Variants in PPP2R2D observed in about 807,000 individuals in gnomAD.
PPP2R2D encodes serine/threonine-protein phosphatase 2A 55 kDa regulatory subunit B delta isoform.
In PPP2R2D, 9 loss-of-function variants were observed where a neutral mutation model predicts 31.1. That is an observed-to-expected ratio of 0.29 (90% CI 0.17 to 0.51). PPP2R2D has a LOEUF of 0.51. PPP2R2D is among the 20% of genes least tolerant of loss of function. PPP2R2D has a pLI of 0.98. For synonymous variants in PPP2R2D, 179 were observed against 172.6 expected, an observed-to-expected ratio of 1.04 and a Z score of -0.29; for missense variants, 391 against 465.6, an observed-to-expected ratio of 0.84 and a Z score of 1.48.
At chr10:131,910,917 C>G (rs2035672107) in intron 2 of PPP2R2D, among the ~76,000 whole-genome samples, 1 of 152,152 alleles carries the variant, frequency 6.6e-6, no homozygotes, top group South Asian at 2.1e-4. Context: ...AGATAGCTTC[C>G]AGATGTTTCT....
chr10:131,923,503 T>G (rs546527908), intron 2 of PPP2R2D, among the ~76,000 whole-genome samples: 8 of 152,302 alleles, frequency 5.3e-5, no homozygotes, highest in African/African-American at 1.7e-4. Context: ...CTGTGTTTAA[T>G]GTATTTGTGG....
At chr10:131,964,480 C>T (rs1297956290), downstream of PPP2R2D, among the ~76,000 whole-genome samples, 1 of 152,030 alleles carries the variant, frequency 6.6e-6, no homozygotes, top group Non-Finnish European at 1.5e-5. Flanking sequence ...ACAGCTCCGG[C>T]TCAAACCGCG....
At position 131,956,207 on chromosome 10, in the gene PPP2R2D, A is replaced by G. The variant is rs565855183; in HGVS notation, c.*244A>G. 2 of 1,203,760 alleles carry G rather than the reference A, an allele frequency of 1.7e-6. No individual in the cohort carries two copies. Among genetic ancestry groups the G allele is most frequent in the South Asian group, 4.2e-5 (1 of 23,688 alleles). 74.6% of individuals were successfully genotyped at this position (1,203,760 alleles called of 1,614,324 possible). On this transcript the variant is annotated 3_prime_UTR_variant, in exon 9 of 9. Transcript: ENST00000455566. ...AGCAGAGTTGACGGACACTGCTCCC[A>G]AAAGGTCATTACTCAGAATAAATGT... is the stretch of plus-strand genomic sequence containing the variant.
the PPP2R2D span, chr10:131,968,397 C>T: frequency 2.5e-5 from 19 of 751,994 alleles, no homozygotes; most frequent in Non-Finnish European, 2.7e-5. Context: ...AAATTAGGAA[C>T]GCAGCATTTA....
At chr10:131,941,498 C>G (rs1284034727) in intron 5 of PPP2R2D, among the ~76,000 whole-genome samples, 1 of 151,938 alleles carries the variant, frequency 6.6e-6, no homozygotes, top group African/African-American at 2.4e-5. Context: ...CAAGGGGGTG[C>G]CGTTACTAGA....
intron 2 of PPP2R2D, among the ~76,000 whole-genome samples, chr10:131,925,060 T>G (rs1416365314): frequency 1.3e-5 from 2 of 152,234 alleles, no homozygotes; most frequent in African/African-American, 4.8e-5. Context: ...GTTTGTGGAT[T>G]CCTTAGGATT....
At chr10:131,952,493 G>A (rs1416691140) in intron 8 of PPP2R2D, among the ~76,000 whole-genome samples, 1 of 87,376 alleles carries the variant, frequency 1.1e-5, no homozygotes, top group Non-Finnish European at 2.1e-5. Context: ...GTGCGGGGGG[G>A]TTCACTGTCT....
At chr10:131,940,814 G>A (rs913067975) in intron 5 of PPP2R2D, 120 bp downstream of exon 5, 34 of 587,240 alleles carry the variant, frequency 5.8e-5, no homozygotes, top group South Asian at 1.8e-4. Context: ...GGTCTGCCTC[G>A]TGATTCCTGA....
chr10:131,912,083 G>T (rs2035694197), intron 2 of PPP2R2D: 1 of 152,184 alleles, frequency 6.6e-6, no homozygotes, highest in African/African-American at 2.4e-5. Flanking sequence ...TTAAAACCTA[G>T]TTTGTGTATA....
At chr10:131,955,567 A>C in intron 8 of PPP2R2D, 117 bp from the exon 9 acceptor site, 1 of 870,674 alleles carries the variant, frequency 1.1e-6, no homozygotes, top group Non-Finnish European at 1.6e-6. Context: ...TGATTTCTGA[A>C]AGTAACTGGG....
intron 2 of PPP2R2D, among the ~76,000 whole-genome samples, chr10:131,927,632 C>T (rs1184971197): frequency 2.6e-5 from 4 of 152,156 alleles, no homozygotes; most frequent in Admixed American, 1.3e-4. Context: ...GTTGCCAGGA[C>T]GCCAGGCCCT....
intron 2 of PPP2R2D, among the ~76,000 whole-genome samples, chr10:131,901,555 G>T (rs2035496425): frequency 6.6e-6 from 1 of 152,158 alleles, no homozygotes; most frequent in Admixed American, 6.5e-5. Context: ...CCCGCGGCGG[G>T]ACTTATGTAA....
At chr10:131,960,615 G>A (rs1227443498), downstream of PPP2R2D, among the ~76,000 whole-genome samples, 2 of 151,890 alleles carry the variant, frequency 1.3e-5, no homozygotes, top group Non-Finnish European at 2.9e-5. Flanking sequence ...CCATGGGATT[G>A]GTGTGTGTCC....
chr10:131,903,242 A>G (rs2035529965), intron 2 of PPP2R2D, among the ~76,000 whole-genome samples: 1 of 152,098 alleles, frequency 6.6e-6, no homozygotes, highest in African/African-American at 2.4e-5. Flanking sequence ...CAAGGTGGAC[A>G]GATCACTTGA....
chr10:131,930,401 C>T (rs2036200266), intron 2 of PPP2R2D, among the ~76,000 whole-genome samples: 1 of 152,246 alleles, frequency 6.6e-6, no homozygotes, highest in Middle Eastern at 3.2e-3. Flanking sequence ...TCAGATCTGC[C>T]ATCTTCCTTC....
chr10:131,933,601 GAC>G (rs2036281706), intron 2 of PPP2R2D, among the ~76,000 whole-genome samples: 1 of 152,140 alleles, frequency 6.6e-6, no homozygotes, highest in Admixed American at 6.5e-5. Flanking sequence ...GTCCGCACGC[GAC>G]ACAGCAGCAC....
intron 2 of PPP2R2D, 117 bp from the exon 3 acceptor site, chr10:131,934,341 G>A: frequency 1.6e-6 from 1 of 633,240 alleles, no homozygotes; most frequent in Non-Finnish European, 2.9e-6. Flanking sequence ...TTTTGCTTTA[G>A]TCTCGGAGAA....
At chr10:131,914,092 G>A (rs1250925045) in intron 2 of PPP2R2D, among the ~76,000 whole-genome samples, 1 of 152,180 alleles carries the variant, frequency 6.6e-6, no homozygotes. Context: ...AGCAACATTT[G>A]AGTGAAAAAA....
Position 131,934,677 on chromosome 10 carries a change from T to C in PPP2R2D, c.198+122T>C. ...TTCATTAAGATTCAGTTCCATCACA[T>C]TAGCCATACAGAATCTCCTTTCAGA... On this transcript the variant is annotated intron_variant, in intron 3 of 8. Coordinates refer to ENST00000455566, the MANE Select transcript of PPP2R2D (RefSeq NM_018461.5). 4.4e-6 allele frequency: 3 copies of C among 682,110 alleles called. No homozygotes were observed. In the South Asian group the frequency reaches 4.9e-5, roughly 11 times the overall value. 42.3% of individuals were successfully genotyped at this position (682,110 alleles called of 1,614,324 possible). A position where few individuals can be genotyped will look rare whatever the true frequency, so the allele number is the denominator to read the frequency against.
Sources: allele counts gnomAD v4.1 joint callset (sites outside exome capture counted in the v4.1 genomes callset), GRCh38; gene constraint gnomAD v4.1.1; transcripts MANE v1.5; gene names NCBI Gene and HGNC (gene_info 2026-07-23, HGNC 2026-07-21).